The following TMEM178B variants were observed in gnomAD, a reference collection of about 807,000 sequenced individuals.
TMEM178B encodes the protein transmembrane protein 178B.
TMEM178B carries 5 observed loss-of-function variants against 31.0 expected under a neutral mutation model. The ratio of observed to expected loss-of-function variants is 0.16; its 90% CI spans 0.08 to 0.34. The LOEUF is 0.34. Among genes scored for constraint, TMEM178B ranks in the 10% least tolerant of loss-of-function variants. The probability of loss-of-function intolerance (pLI) is 1.00; values close to 1 mark genes in which losing one functional copy is unlikely to be tolerated. For missense variants in TMEM178B, 275 were observed against 400.3 expected, an observed-to-expected ratio of 0.69 and a Z score of 2.67; for synonymous variants, 164 against 164.0, an observed-to-expected ratio of 1.00 and a Z score of 0.00.
At chr7:141,122,298 A>G (rs1795422819) in intron 1 of TMEM178B, among the ~76,000 whole-genome samples, 3 of 152,210 alleles carry the variant, frequency 2.0e-5, no homozygotes, top group African/African-American at 7.2e-5. Context: ...GACTTTTCAA[A>G]AGGGGAAAAA....
intron 2 of TMEM178B, among the ~76,000 whole-genome samples, chr7:141,398,041 T>C (rs1478908739): frequency 6.6e-6 from 1 of 152,012 alleles, no homozygotes; most frequent in Non-Finnish European, 1.5e-5. Context: ...TTGGTAGTGG[T>C]GTGTGGAGTG....
intron 2 of TMEM178B, among the ~76,000 whole-genome samples, chr7:141,219,752 A>T (rs1459973389): frequency 6.6e-6 from 1 of 152,030 alleles, no homozygotes; most frequent in Admixed American, 6.6e-5. Context: ...CCTTAATGTG[A>T]TATTGCACCA....
intron 2 of TMEM178B, among the ~76,000 whole-genome samples, chr7:141,247,689 G>A (rs148276263): frequency 1.0e-3 from 156 of 152,310 alleles, no homozygotes; most frequent in African/African-American, 3.5e-3. Flanking sequence ...TCTCTAAAAG[G>A]TGGGAGCTGT....
chr7:141,164,344 C>T (rs746922417), intron 1 of TMEM178B, among the ~76,000 whole-genome samples: 4 of 152,168 alleles, frequency 2.6e-5, no homozygotes, highest in Non-Finnish European at 4.4e-5. Context: ...CAGAAAAAAC[C>T]TGCATTGCAG....
intron 2 of TMEM178B, among the ~76,000 whole-genome samples, chr7:141,347,288 A>T (rs1355184090): frequency 1.3e-5 from 2 of 152,194 alleles, no homozygotes; most frequent in Admixed American, 6.5e-5. Flanking sequence ...GGTTCTACTT[A>T]GATTTTCCTT....
intron 1 of TMEM178B, among the ~76,000 whole-genome samples, chr7:141,136,003 A>G (rs1042869129): frequency 2.6e-5 from 4 of 152,116 alleles, no homozygotes; most frequent in Non-Finnish European, 4.4e-5. Flanking sequence ...CATATAAATA[A>G]AATCAGAAAT....
chr7:141,451,867 C>T (rs975381853), intron 3 of TMEM178B, among the ~76,000 whole-genome samples: 1 of 152,134 alleles, frequency 6.6e-6, no homozygotes, highest in African/African-American at 2.4e-5. Context: ...TCTCTGTTCC[C>T]GCCCTGTCTC....
intron 1 of TMEM178B, among the ~76,000 whole-genome samples, chr7:141,085,645 C>T (rs1199686625): frequency 6.6e-6 from 1 of 151,428 alleles, no homozygotes; most frequent in Non-Finnish European, 1.5e-5. Context: ...TTCAGTTTTG[C>T]CCTCAATTTC....
chr7:141,379,309 A>G (rs1800272927), intron 2 of TMEM178B, among the ~76,000 whole-genome samples: 2 of 146,428 alleles, frequency 1.4e-5, no homozygotes, highest in Non-Finnish European at 3.1e-5. Flanking sequence ...TTTTCTAAAA[A>G]AAAAAAAAAA....
intron 2 of TMEM178B, among the ~76,000 whole-genome samples, chr7:141,281,997 A>T (rs1798373056): frequency 6.6e-6 from 1 of 152,046 alleles, no homozygotes; most frequent in Admixed American, 6.6e-5. Flanking sequence ...TAGAGTAGGG[A>T]TTGTATTGGT....
chr7:141,369,617 G>A lies in TMEM178B; in HGVS notation c.497-67991G>A, dbSNP rs190303707. ...CCGAGCAGGGAAGCACCTCCACCCC[G>A]CGTTCCTAATGGAGCTTGCTCTCTG... On this transcript the variant is annotated intron_variant, in intron 2 of 3. Transcript: ENST00000565468. 5.2e-3 allele frequency among the ~76,000 whole-genome samples: 789 copies of A among 152,176 alleles called. 21 individuals carry two copies. Among genetic ancestry groups the A allele is most frequent in the Non-Finnish European group, 1.5e-3 (101 of 68,018 alleles).
At chr7:141,213,000 C>A (rs2129187909) in intron 2 of TMEM178B, among the ~76,000 whole-genome samples, 1 of 152,336 alleles carries the variant, frequency 6.6e-6, no homozygotes, top group African/African-American at 2.4e-5. Flanking sequence ...TAAGATTTCA[C>A]CTACCTGACT....
At chr7:141,288,596 C>A (rs1798490663) in intron 2 of TMEM178B, among the ~76,000 whole-genome samples, 1 of 152,138 alleles carries the variant, frequency 6.6e-6, no homozygotes, top group Admixed American at 6.5e-5. Context: ...GCATTTGCAC[C>A]CACATTCCTT....
At chr7:141,336,135 T>C (rs1026085238) in intron 2 of TMEM178B, among the ~76,000 whole-genome samples, 32 of 152,164 alleles carry the variant, frequency 2.1e-4, no homozygotes, top group African/African-American at 6.8e-4. Context: ...AGAATCTCGC[T>C]GGCCCCGCCC....
chr7:141,219,788 A>G (rs2129189222), intron 2 of TMEM178B, among the ~76,000 whole-genome samples: 1 of 152,274 alleles, frequency 6.6e-6, no homozygotes, highest in African/African-American at 2.4e-5. Flanking sequence ...GAAGTAACTC[A>G]TGCCAGGACA....
At chr7:141,263,659 C>G (rs936381964) in intron 2 of TMEM178B, among the ~76,000 whole-genome samples, 12 of 152,088 alleles carry the variant, frequency 7.9e-5, no homozygotes, top group African/African-American at 2.9e-4. Flanking sequence ...GGGGATGGCC[C>G]AAGGATGTGG....
intron 1 of TMEM178B, among the ~76,000 whole-genome samples, chr7:141,082,769 T>C (rs1351652177): frequency 6.6e-6 from 1 of 152,224 alleles, no homozygotes; most frequent in African/African-American, 2.4e-5. Flanking sequence ...AGCTCATGGT[T>C]TCCCAAGTTC....
chr7:141,215,912 C>A (rs150987749), intron 2 of TMEM178B, among the ~76,000 whole-genome samples: 2 of 26,796 alleles, frequency 7.5e-5, no homozygotes, highest in Non-Finnish European at 2.5e-4. Context: ...TTCTTTCTTT[C>A]TTTTTTTTTT....
chr7:141,275,759 A>G (rs1336620647), intron 2 of TMEM178B, among the ~76,000 whole-genome samples: 1 of 152,226 alleles, frequency 6.6e-6, no homozygotes, highest in African/African-American at 2.4e-5. Flanking sequence ...GTCCAAGGAA[A>G]GCACTTCTAT....
Sources: gnomAD v4.1 joint callset for allele counts (sites outside exome capture counted in the v4.1 genomes callset) on GRCh38, gnomAD v4.1.1 for gene constraint, MANE v1.5 for transcripts, NCBI Gene and HGNC (gene_info 2026-07-23, HGNC 2026-07-21) for gene names.